Variants in CLCN5 observed in about 807,000 individuals in gnomAD.
The protein encoded by CLCN5 is H(+)/Cl(-) exchange transporter 5.
A neutral mutation model predicts 54.0 loss-of-function variants in CLCN5; 17 were observed. The observed-to-expected ratio is 0.31, with a 90% CI of 0.22 to 0.47. CLCN5 has a LOEUF of 0.47. Among genes scored for constraint, CLCN5 ranks in the 20% least tolerant of loss-of-function variants. The pLI is 1.00. For synonymous variants in CLCN5, 222 were observed against 233.0 expected, an observed-to-expected ratio of 0.95 and a Z score of 0.43; for missense variants, 448 against 646.7, an observed-to-expected ratio of 0.69 and a Z score of 3.33.
At chrX:49,957,881 A>G (rs1402673988) in intron 3 of CLCN5, among the ~76,000 whole-genome samples, 1 of 111,788 alleles carries the variant, frequency 8.9e-6, no homozygotes, top group Non-Finnish European at 1.9e-5. Context: ...GCATGTTACA[A>G]ACTATAGTAC....
chrX:50,001,629 T>C (rs12853132), intron 3 of CLCN5, among the ~76,000 whole-genome samples: 5,484 of 68,617 alleles, frequency 0.08, 631 homozygotes, highest in African/African-American at 0.3. Flanking sequence ...CCCCACCCCA[T>C]GACAGGCCCC....
chrX:50,072,450 G>A lies in CLCN5; in HGVS notation c.316-39G>A, dbSNP rs1933250815. Reference sequence around the variant, plus strand: ...AACAGTTTTTAAGTGAAAAAATGGTGTGTGTAGAGTGTACCAATGTTTTCT... The same window carrying A: ...AACAGTTTTTAAGTGAAAAAATGGTATGTGTAGAGTGTACCAATGTTTTCT... On this transcript the variant is annotated intron_variant, in intron 5 of 14. Coordinates refer to ENST00000376091, the MANE Select transcript of CLCN5 (RefSeq NM_001127898.4). 5.4e-6 allele frequency: 5 copies of A among 919,466 alleles called. 1 individual carries two copies. The East Asian group carries it at 1.5e-4, about 28-fold the overall frequency. 75.8% of individuals were successfully genotyped at this position (919,466 alleles called of 1,213,427 possible).
At chrX:49,999,155 T>C (rs1929674703) in intron 3 of CLCN5, among the ~76,000 whole-genome samples, 2 of 110,876 alleles carry the variant, frequency 1.8e-5, no homozygotes, top group Admixed American at 9.6e-5. Flanking sequence ...TACAAGATGA[T>C]GAGGCTCCTG....
intron 7 of CLCN5, among the ~76,000 whole-genome samples, chrX:50,076,626 A>G (rs782104226): frequency 2.5e-4 from 28 of 111,541 alleles, no homozygotes; most frequent in Non-Finnish European, 5.3e-4. Context: ...CCTAGCCTCA[A>G]GCAGTCCTCC....
chrX:50,085,333 T>A (rs2073393314), intron 9 of CLCN5: 1 of 115,270 alleles, frequency 8.7e-6, no homozygotes, highest in Non-Finnish European at 1.8e-5. Context: ...TCTTTCTCTC[T>A]TTATCACTTT....
At chrX:49,978,945 AAT>A (rs1428805557) in intron 3 of CLCN5, among the ~76,000 whole-genome samples, 1 of 111,293 alleles carries the variant, frequency 9.0e-6, no homozygotes, top group Non-Finnish European at 1.9e-5. Flanking sequence ...TCTTGTTTTA[AAT>A]ACATCACTGG....
At chrX:50,035,849 AG>A (rs1557186475) in intron 3 of CLCN5, among the ~76,000 whole-genome samples, 1 of 112,696 alleles carries the variant, frequency 8.9e-6, no homozygotes, top group Non-Finnish European at 1.9e-5. Context: ...AGGGCATACA[AG>A]CTTTGTAACA....
chrX:50,050,913 C>T (rs886341011), intron 4 of CLCN5, among the ~76,000 whole-genome samples: 9 of 110,882 alleles, frequency 8.1e-5, no homozygotes, highest in African/African-American at 2.0e-4. Context: ...CCGCCCACCT[C>T]GGCCTCCCAA....
At chrX:49,946,220 C>T (rs1003832065) in intron 3 of CLCN5, among the ~76,000 whole-genome samples, 18 of 111,723 alleles carry the variant, frequency 1.6e-4, no homozygotes, top group African/African-American at 4.9e-4. Flanking sequence ...ATTTGTTTTC[C>T]GTTGCTGCAT....
rs1307601452 is a variant in CLCN5, at chrX:49,923,484, T to G, written c.-129+2T>G. The G allele has an allele frequency of 8.9e-6, 1 of 111,898 alleles. No individual in the cohort carries two copies. Among genetic ancestry groups the G allele is most frequent in the African/African-American group, 3.3e-5 (1 of 30,726 alleles). 9.2% of individuals were successfully genotyped at this position (111,898 alleles called of 1,213,427 possible). ...TAACGTCAGTGGAAGCTGCCCCGAGTAAGTGAGGGAAATCTAGAAGTTTGG... is the reference window on the plus strand; with the variant it reads ...TAACGTCAGTGGAAGCTGCCCCGAGGAAGTGAGGGAAATCTAGAAGTTTGG... On this transcript the variant is annotated splice_donor_variant, in intron 2 of 14. Transcript: ENST00000376091. LOFTEE classifies it low-confidence loss of function (5UTR_SPLICE).
At chrX:49,939,223 A>G (rs1350294397) in intron 3 of CLCN5, among the ~76,000 whole-genome samples, 1 of 111,396 alleles carries the variant, frequency 9.0e-6, no homozygotes, top group African/African-American at 3.3e-5. Flanking sequence ...TGTGGAAGTC[A>G]GTGTGGCGAT....
chrX:50,002,526 C>G (rs1217100246), intron 3 of CLCN5, among the ~76,000 whole-genome samples: 2 of 112,022 alleles, frequency 1.8e-5, no homozygotes, highest in Non-Finnish European at 3.8e-5. Flanking sequence ...CATGTCTAAT[C>G]TGACCACACA....
intron 3 of CLCN5, among the ~76,000 whole-genome samples, chrX:49,988,068 G>A (rs1929066170): frequency 9.0e-6 from 1 of 111,500 alleles, no homozygotes; most frequent in African/African-American, 3.3e-5. Flanking sequence ...GCATTCCTCA[G>A]TAGTCTGTCT....
At chrX:50,060,158 G>A (rs1023103363) in intron 4 of CLCN5, among the ~76,000 whole-genome samples, 9 of 110,087 alleles carry the variant, frequency 8.2e-5, no homozygotes, top group Non-Finnish European at 1.5e-4. Flanking sequence ...GAGGAGCCAA[G>A]ATGGCCGAAT....
intron 3 of CLCN5, among the ~76,000 whole-genome samples, chrX:49,957,758 T>C (rs1423623641): frequency 8.9e-6 from 1 of 112,328 alleles, no homozygotes; most frequent in Non-Finnish European, 1.9e-5. Flanking sequence ...ATTGGTATTC[T>C]TTAAAAACTC....
chrX:50,085,477 G>A (rs1185300530), intron 9 of CLCN5: 2 of 175,654 alleles, frequency 1.1e-5, no homozygotes, highest in African/African-American at 6.1e-5. Flanking sequence ...GTAGGACACA[G>A]GGTACGAGAG....
chrX:50,090,866 G>A lies in CLCN5; in HGVS notation c.2340G>A (p.Gln780=). 1 of 1,209,084 alleles carries A rather than the reference G, an allele frequency of 8.3e-7. No individual in the cohort carries two copies. Among genetic ancestry groups the A allele is most frequent in the Non-Finnish European group, 1.1e-6 (1 of 893,116 alleles). ...TTTTCCGAAAGCTGGGACTGCGGCA[G>A]TGCCTGGTTACACACAACGGGTAAG... ...VDIFRKLGLR[Q]CLVTHNGRLL... is the part of the protein sequence containing the mutation. The change falls in exon 14 of 15, where the codon CAG becomes CAA. Residue 780 remains glutamine (Q), a synonymous_variant. Transcript: ENST00000376091.
At chrX:50,058,619 A>G (rs782087469) in intron 4 of CLCN5, among the ~76,000 whole-genome samples, 1 of 111,241 alleles carries the variant, frequency 9.0e-6, no homozygotes, top group Non-Finnish European at 1.9e-5. Context: ...CCTAACGGGA[A>G]AGCTGTTTCA....
At chrX:49,966,890 G>T (rs1601990687) in intron 3 of CLCN5, among the ~76,000 whole-genome samples, 1 of 5,550 alleles carries the variant, frequency 1.8e-4, no homozygotes, top group South Asian at 5.7e-3. Context: ...TCTTGCGATA[G>T]TTTACTGAGA....
Sources: gnomAD v4.1 joint callset for allele counts (sites outside exome capture counted in the v4.1 genomes callset) on GRCh38, gnomAD v4.1.1 for gene constraint, MANE v1.5 for transcripts, NCBI Gene and HGNC (gene_info 2026-07-23, HGNC 2026-07-21) for gene names.